SGMS1: variants seen among roughly 807,000 people sequenced by gnomAD.
SGMS1 encodes the protein sphingomyelin synthase 1, also known as phosphatidylcholine:ceramide cholinephosphotransferase 1.
SGMS1 carries 13 observed loss-of-function variants against 46.2 expected under a neutral mutation model. The ratio of observed to expected loss-of-function variants is 0.28; its 90% CI spans 0.18 to 0.45. The LOEUF is 0.45. Among genes scored for constraint, SGMS1 ranks in the 20% least tolerant of loss-of-function variants. The pLI, the probability that SGMS1 is intolerant of heterozygous loss-of-function variation, is 1.00. For missense variants in SGMS1, 324 were observed against 519.9 expected (o/e 0.62, Z 3.66); for synonymous variants, 203 against 187.8 (o/e 1.08, Z -0.66).
intron 6 of SGMS1, among the ~76,000 whole-genome samples, chr10:50,387,645 A>T (rs1848700883): frequency 6.6e-6 from 1 of 152,238 alleles, no homozygotes. Context: ...CTAATTGTCA[A>T]ATGAAAAAAG....
intron 8 of SGMS1, among the ~76,000 whole-genome samples, chr10:50,325,904 G>C (rs1262572614): frequency 6.6e-6 from 1 of 152,162 alleles, no homozygotes; most frequent in Non-Finnish European, 1.5e-5. Flanking sequence ...CTCCCAGCAA[G>C]AGTCCATATC....
At chr10:50,323,166 G>A (rs1272376508) in intron 8 of SGMS1, among the ~76,000 whole-genome samples, 4 of 152,192 alleles carry the variant, frequency 2.6e-5, no homozygotes, top group Admixed American at 6.5e-5. Context: ...TTTGTGAAGA[G>A]TATACTGCCA....
chr10:50,551,805 T>C (rs1564430035), intron 2 of SGMS1, among the ~76,000 whole-genome samples: 2 of 152,102 alleles, frequency 1.3e-5, no homozygotes, highest in Non-Finnish European at 2.9e-5. Context: ...CCCTCTGCCA[T>C]CCCCCTGTTC....
At position 50,582,060 on chromosome 10, in the gene SGMS1, T is replaced by C. The variant is rs545939802; in HGVS notation, c.-589+8093A>G. ...GGCTCTGGCCCTCCAGCAAGCTTTG[T>C]GAATGCTGAATGGCAAGCACTATTT... On this transcript the variant is annotated intron_variant, in intron 2 of 10. Coordinates refer to ENST00000361781, the MANE Select transcript of SGMS1 (RefSeq NM_147156.4). Among the ~76,000 whole-genome samples the C allele has an allele frequency of 5.9e-5, 9 of 152,352 alleles. No individual in the cohort carries two copies. In the South Asian group the frequency reaches 1.9e-3, roughly 32 times the overall value.
intron 6 of SGMS1, among the ~76,000 whole-genome samples, chr10:50,397,721 T>C (rs992566019): frequency 2.0e-5 from 3 of 152,244 alleles, no homozygotes; most frequent in Non-Finnish European, 4.4e-5. Context: ...TTGCCAATGA[T>C]GATAAAATGC....
At chr10:50,448,873 A>G (rs1317114191) in intron 5 of SGMS1, among the ~76,000 whole-genome samples, 1 of 152,192 alleles carries the variant, frequency 6.6e-6, no homozygotes, top group East Asian at 1.9e-4. Flanking sequence ...TAAGAAAACA[A>G]TTAACTTGAT....
At chr10:50,342,215 T>A (rs1197688418) in intron 7 of SGMS1, 1 of 152,228 alleles carries the variant, frequency 6.6e-6, no homozygotes, top group South Asian at 2.1e-4. Flanking sequence ...AAATAATGCA[T>A]TTAATAAACT....
At chr10:50,435,804 A>G (rs1031728671) in intron 5 of SGMS1, among the ~76,000 whole-genome samples, 4 of 152,224 alleles carry the variant, frequency 2.6e-5, no homozygotes, top group African/African-American at 9.6e-5. Flanking sequence ...GTGAACGCAT[A>G]CTAACTTTAA....
chr10:50,495,262 GA>G (rs200136497), intron 3 of SGMS1, among the ~76,000 whole-genome samples: 28,499 of 119,142 alleles, frequency 0.24, 2,996 homozygotes, highest in Admixed American at 0.25. Flanking sequence ...AAAAAGTTAA[GA>G]AAAAAAAAAA....
At chr10:50,415,136 G>A (rs922551571) in intron 6 of SGMS1, among the ~76,000 whole-genome samples, 1 of 152,164 alleles carries the variant, frequency 6.6e-6, no homozygotes. Flanking sequence ...ATAACAAAAC[G>A]AAATGTTCTG....
intron 6 of SGMS1, among the ~76,000 whole-genome samples, chr10:50,397,656 G>C (rs1848866030): frequency 6.6e-6 from 1 of 152,172 alleles, no homozygotes; most frequent in Admixed American, 6.5e-5. Context: ...GCTATATATT[G>C]CTTTGGTTTT....
chr10:50,322,183 G>A lies in SGMS1; in HGVS notation c.741+5022C>T, dbSNP rs184828658. On this transcript the variant is annotated intron_variant, in intron 8 of 10. Transcript: ENST00000361781. ...TCATTTCACTGAAAACTCCACATTG[G>A]ATTAATGCACTAGCCAGCTGAGTGT... 2.4e-4 allele frequency among the ~76,000 whole-genome samples: 36 copies of A among 152,220 alleles called. 1 individual carries two copies. The East Asian group carries it at 4.2e-3, about 18-fold the overall frequency.
In SGMS1 at chr10:50,327,316, A is replaced by G; in HGVS notation, c.630T>C (p.Ile210=). 1.3e-6 allele frequency: 2 copies of G among 1,584,396 alleles called. No homozygotes were observed. The highest frequency in any genetic ancestry group is 1.7e-6 in the Non-Finnish European group (2 of 1,155,750). The change falls in exon 8 of 11, where the codon ATT becomes ATC. Residue 210 remains isoleucine, a synonymous_variant. Coordinates refer to ENST00000361781, the MANE Select transcript of SGMS1 (RefSeq NM_147156.4). ...CTATGCAGAAAAATCTTCTGCTAAT[A>G]ATAGACCTAGAAAAAGGGAAAAACA... The part of the protein sequence containing the change: ...IQWLLLKYKS[I]ISRRFFCIVG...
intron 3 of SGMS1, among the ~76,000 whole-genome samples, chr10:50,501,770 A>G (rs1837663678): frequency 6.6e-6 from 1 of 152,196 alleles, no homozygotes; most frequent in Non-Finnish European, 1.5e-5. Context: ...TTAGGGCCCT[A>G]CTTTCAAAGA....
chr10:50,557,965 C>T (rs1009542760), intron 2 of SGMS1, among the ~76,000 whole-genome samples: 6 of 152,148 alleles, frequency 3.9e-5, no homozygotes, highest in South Asian at 4.1e-4. Flanking sequence ...ACATAGACAC[C>T]GTAAGTACCA....
At chr10:50,484,822 C>A (rs1181853245) in intron 3 of SGMS1, among the ~76,000 whole-genome samples, 2 of 152,064 alleles carry the variant, frequency 1.3e-5, no homozygotes, top group African/African-American at 4.8e-5. Context: ...AGACACAGAA[C>A]AAGCCTTCAA....
intron 6 of SGMS1, among the ~76,000 whole-genome samples, chr10:50,355,968 G>A (rs964122521): frequency 2.0e-5 from 3 of 151,596 alleles, no homozygotes; most frequent in African/African-American, 4.9e-5. Flanking sequence ...CGGCCGCCCC[G>A]TCTGAGAAGT....
intron 7 of SGMS1, among the ~76,000 whole-genome samples, chr10:50,332,833 C>T (rs1318249221): frequency 6.6e-6 from 1 of 151,774 alleles, no homozygotes; most frequent in African/African-American, 2.4e-5. Flanking sequence ...GCCATTTTGC[C>T]CAGGCTGGTC....
At chr10:50,329,733 A>G (rs1259139166) in intron 7 of SGMS1, among the ~76,000 whole-genome samples, 1 of 152,234 alleles carries the variant, frequency 6.6e-6, no homozygotes, top group South Asian at 2.1e-4. Context: ...GCCAACAAGA[A>G]GATGTACAGT....
Sources: allele counts gnomAD v4.1 joint callset (sites outside exome capture counted in the v4.1 genomes callset), GRCh38; gene constraint gnomAD v4.1.1; transcripts MANE v1.5; gene names NCBI Gene and HGNC (gene_info 2026-07-23, HGNC 2026-07-21).